Variants in TEAD1 observed in about 807,000 individuals in gnomAD.
TEAD1 encodes the protein TEA domain transcription factor 1, also known as transcriptional enhancer factor TEF-1.
Under a neutral mutation model 54.9 loss-of-function variants are expected in TEAD1, and 9 were observed. The ratio of observed to expected loss-of-function variants is 0.16; its 90% confidence interval spans 0.10 to 0.29. TEAD1 has a LOEUF of 0.29. Among genes scored for constraint, TEAD1 ranks in the 10% least tolerant of loss-of-function variants. The pLI is 1.00. For synonymous variants in TEAD1, 200 were observed against 187.8 expected (o/e 1.07, Z -0.53); for missense variants, 387 against 535.9 (o/e 0.72, Z 2.74).
At chr11:12,683,265 C>T (rs973365780) in intron 2 of TEAD1, among the ~76,000 whole-genome samples, 1 of 152,120 alleles carries the variant, frequency 6.6e-6, no homozygotes, top group Admixed American at 6.5e-5. Context: ...AAATAAAATC[C>T]TGCTGCATCT....
chr11:12,681,114 C>A (rs796652193), intron 2 of TEAD1, among the ~76,000 whole-genome samples: 3 of 152,128 alleles, frequency 2.0e-5, no homozygotes, highest in Non-Finnish European at 1.5e-5. Context: ...GTTAGAGCTC[C>A]ATTAGCTGAA....
At chr11:12,858,673 T>G (rs1281631720) in intron 3 of TEAD1, among the ~76,000 whole-genome samples, 1 of 152,228 alleles carries the variant, frequency 6.6e-6, no homozygotes, top group Non-Finnish European at 1.5e-5. Flanking sequence ...AAAAGTGAGC[T>G]TGCTCATCTG....
intron 2 of TEAD1, among the ~76,000 whole-genome samples, chr11:12,729,217 T>C (rs1944372973): frequency 6.6e-6 from 1 of 152,214 alleles, no homozygotes; most frequent in Admixed American, 6.5e-5. Flanking sequence ...GGCCCTTTTC[T>C]GGGCTTTCAG....
chr11:12,805,074 G>T (rs76740486), intron 3 of TEAD1, among the ~76,000 whole-genome samples: 56 of 152,332 alleles, frequency 3.7e-4, no homozygotes, highest in African/African-American at 1.3e-3. Context: ...GGTGGACTGG[G>T]CTTCTGCTTT....
chr11:12,687,663 A>G (rs1389357453), intron 2 of TEAD1, among the ~76,000 whole-genome samples: 1 of 152,148 alleles, frequency 6.6e-6, no homozygotes, highest in Admixed American at 6.5e-5. Context: ...AAATGAGGAC[A>G]CAATACTTGT....
At chr11:12,783,598 C>T (rs576464722) in intron 3 of TEAD1, among the ~76,000 whole-genome samples, 5 of 152,304 alleles carry the variant, frequency 3.3e-5, no homozygotes, top group African/African-American at 1.2e-4. Context: ...CACACTGACA[C>T]TCAAGGTCGA....
At chr11:12,869,825 C>G (rs1013429883) in intron 5 of TEAD1, among the ~76,000 whole-genome samples, 12 of 152,306 alleles carry the variant, frequency 7.9e-5, no homozygotes, top group South Asian at 4.1e-4. Context: ...AAAATCAAAT[C>G]CAGTGAAAGC....
intron 3 of TEAD1, among the ~76,000 whole-genome samples, chr11:12,797,985 T>C (rs1945972358): frequency 6.6e-6 from 1 of 152,226 alleles, no homozygotes; most frequent in South Asian, 2.1e-4. Context: ...GATACCTGGA[T>C]GAGTCTCTAG....
chr11:12,724,181 A>C (rs575745165), intron 2 of TEAD1, among the ~76,000 whole-genome samples: 1 of 152,290 alleles, frequency 6.6e-6, no homozygotes, highest in South Asian at 2.1e-4. Flanking sequence ...AAACACTGAG[A>C]AAGACACACA....
intron 10 of TEAD1, among the ~76,000 whole-genome samples, chr11:12,903,413 T>A (rs866305805): frequency 3.4e-4 from 51 of 152,224 alleles, no homozygotes; most frequent in Middle Eastern, 3.2e-3. Flanking sequence ...AAGAAAAATT[T>A]ATGTTTTAGA....
chr11:12,871,730 C>G (rs971456132), intron 5 of TEAD1, among the ~76,000 whole-genome samples: 2 of 152,212 alleles, frequency 1.3e-5, no homozygotes, highest in Non-Finnish European at 2.9e-5. Flanking sequence ...TGGGCCAAGC[C>G]ACCTCTGGTT....
chr11:12,839,648 G>A (rs1946982022), intron 3 of TEAD1, among the ~76,000 whole-genome samples: 1 of 152,186 alleles, frequency 6.6e-6, no homozygotes. Context: ...AAGAAGTGAT[G>A]CCAGAATGTG....
intron 9 of TEAD1, among the ~76,000 whole-genome samples, chr11:12,896,769 C>T (rs1450438828): frequency 4.6e-5 from 7 of 152,120 alleles, no homozygotes; most frequent in African/African-American, 1.7e-4. Context: ...TTCTAAGTAT[C>T]GAGGTAATAA....
intron 4 of TEAD1, chr11:12,864,595 G>T: frequency 1.8e-6 from 2 of 1,098,432 alleles, no homozygotes; most frequent in Non-Finnish European, 2.4e-6. Flanking sequence ...CCAAAGAGTA[G>T]CGATTTTATA....
At chr11:12,728,506 G>T (rs1270619894) in intron 2 of TEAD1, among the ~76,000 whole-genome samples, 1 of 152,208 alleles carries the variant, frequency 6.6e-6, no homozygotes, top group African/African-American at 2.4e-5. Context: ...TGAGCAGGGG[G>T]TATCTGAGGG....
At chr11:12,775,958 G>T (rs1421785834) in intron 3 of TEAD1, among the ~76,000 whole-genome samples, 1 of 150,340 alleles carries the variant, frequency 6.7e-6, no homozygotes, top group African/African-American at 2.5e-5. Flanking sequence ...CTGTGGTGTG[G>T]TGTTTACTGG....
At chr11:12,725,477 G>T (rs1441573572) in intron 2 of TEAD1, among the ~76,000 whole-genome samples, 1 of 152,146 alleles carries the variant, frequency 6.6e-6, no homozygotes, top group Admixed American at 6.5e-5. Context: ...GACTTGAATT[G>T]TTCCCAACAC....
chr11:12,840,040 G>T (rs1240152502), intron 3 of TEAD1, among the ~76,000 whole-genome samples: 1 of 151,976 alleles, frequency 6.6e-6, no homozygotes, highest in Non-Finnish European at 1.5e-5. Flanking sequence ...GAGGTCAGGA[G>T]ATCAAGACCA....
rs61881361 is a variant in TEAD1 at position 12,782,511 on chromosome 11, G to C, written c.202+18077G>C. Reference sequence around the variant, plus strand: ...TAGGGAGTAACTGCAAATGGGTATGGAGTTCTTTCTGGGGTGATTAAGATG... The same window carrying C: ...TAGGGAGTAACTGCAAATGGGTATGCAGTTCTTTCTGGGGTGATTAAGATG... On this transcript the variant is annotated intron_variant, in intron 3 of 12. Transcript: ENST00000527636. 9.5e-3 allele frequency among the ~76,000 whole-genome samples: 1,452 copies of C among 152,308 alleles called. 14 individuals are homozygous for C. The highest frequency in any genetic ancestry group is 0.027 in the Middle Eastern group (8 of 294).
Sources: gnomAD v4.1 joint callset for allele counts (sites outside exome capture counted in the v4.1 genomes callset) on GRCh38, gnomAD v4.1.1 for gene constraint, MANE v1.5 for transcripts, NCBI Gene and HGNC (gene_info 2026-07-23, HGNC 2026-07-21) for gene names.